The following EYS variants were observed in gnomAD, a reference collection of about 807,000 sequenced individuals.
EYS encodes the protein EGF-like photoreceptor maintenance factor.
Under a neutral mutation model 282.1 loss-of-function variants are expected in EYS, and 250 were observed. The ratio of observed to expected loss-of-function variants is 0.89; its 90% CI spans 0.80 to 0.98. EYS has a LOEUF of 0.98. Ranked by LOEUF, EYS falls within the 50% of genes least tolerant of loss-of-function variation. The probability of loss-of-function intolerance (pLI) is 0.00; values close to 1 mark genes in which losing one functional copy is unlikely to be tolerated. For synonymous variants in EYS, 1,355 were observed against 1,282.9 expected, an observed-to-expected ratio of 1.06 and a Z score of -1.20; for missense variants, 4,016 against 3,709.0, an observed-to-expected ratio of 1.08 and a Z score of -2.15.
At chr6:65,350,673 T>C (rs1770565434) in intron 9 of EYS, among the ~76,000 whole-genome samples, 1 of 151,714 alleles carries the variant, frequency 6.6e-6, no homozygotes, top group Admixed American at 6.6e-5. Flanking sequence ...TTATCCACTC[T>C]GTCAGTAGCT....
intron 30 of EYS, among the ~76,000 whole-genome samples, chr6:64,258,295 ACC>A (rs1767470314): frequency 6.6e-6 from 1 of 152,002 alleles, no homozygotes; most frequent in Non-Finnish European, 1.5e-5. Context: ...ATGCAAATAA[ACC>A]TCCTGCAGTA....
chr6:63,761,537 G>T (rs974053064), intron 41 of EYS, among the ~76,000 whole-genome samples: 2 of 152,000 alleles, frequency 1.3e-5, no homozygotes, highest in Admixed American at 1.3e-4. Context: ...TTGATAAAGT[G>T]ATCTAGAAAT....
chr6:64,903,597 T>C (rs565564926), intron 16 of EYS, among the ~76,000 whole-genome samples: 6 of 152,310 alleles, frequency 3.9e-5, no homozygotes, highest in South Asian at 4.1e-4. Context: ...TCACTTGTAA[T>C]GTTGGCATGC....
chr6:64,005,696 G>A (rs933669377), intron 33 of EYS, among the ~76,000 whole-genome samples: 3 of 152,158 alleles, frequency 2.0e-5, no homozygotes, highest in African/African-American at 7.2e-5. Flanking sequence ...TGGCTAGCCA[G>A]GTATCCCTGC....
chr6:64,167,889 T>C (rs1187048916), intron 31 of EYS, among the ~76,000 whole-genome samples: 1 of 152,160 alleles, frequency 6.6e-6, no homozygotes, highest in African/African-American at 2.4e-5. Context: ...TTAAAAGATA[T>C]TTAACATCAT....
intron 35 of EYS, among the ~76,000 whole-genome samples, chr6:63,901,210 A>C (rs1259274044): frequency 6.6e-6 from 1 of 152,220 alleles, no homozygotes; most frequent in Admixed American, 6.5e-5. Flanking sequence ...AATCAAATGG[A>C]AATTCTGTAG....
chr6:65,553,987 G>A (rs933488530), intron 2 of EYS, among the ~76,000 whole-genome samples: 2 of 152,170 alleles, frequency 1.3e-5, no homozygotes, highest in African/African-American at 4.8e-5. Context: ...ACATTAGGAA[G>A]TGGTACCTTT....
At chr6:64,308,412 G>T (rs1408125813) in intron 29 of EYS, among the ~76,000 whole-genome samples, 2 of 151,968 alleles carry the variant, frequency 1.3e-5, no homozygotes, top group Admixed American at 6.5e-5. Context: ...TGAGAAAAAG[G>T]GAAAGTAAAA....
chr6:64,852,518 C>T (rs1765917728), intron 19 of EYS, among the ~76,000 whole-genome samples: 2 of 152,048 alleles, frequency 1.3e-5, no homozygotes, highest in East Asian at 1.9e-4. Flanking sequence ...GTTGATACTA[C>T]TTAATAAACT....
chr6:65,331,720 GT>G, intron 11 of EYS: 2 of 981,080 alleles, frequency 2.0e-6, no homozygotes, highest in Non-Finnish European at 2.4e-6. Flanking sequence ...GAAAATCATT[GT>G]TTCATTAAAC....
chr6:65,678,505 A>C (rs1477630739), intron 1 of EYS, among the ~76,000 whole-genome samples: 1 of 152,066 alleles, frequency 6.6e-6, no homozygotes, highest in East Asian at 1.9e-4. Flanking sequence ...TAAAATTCCC[A>C]GAGGAAAACA....
intron 2 of EYS, among the ~76,000 whole-genome samples, chr6:65,518,889 C>T (rs972522757): frequency 6.6e-6 from 1 of 152,066 alleles, no homozygotes; most frequent in Non-Finnish European, 1.5e-5. Context: ...AAAGACCCGC[C>T]CCCATAATTC....
chr6:64,849,550 T>C (rs1195668438), intron 19 of EYS, among the ~76,000 whole-genome samples: 6 of 152,048 alleles, frequency 3.9e-5, no homozygotes, highest in Non-Finnish European at 8.8e-5. Context: ...CTCACAGTTT[T>C]ATATATTAGA....
At chr6:65,333,277 A>AT (rs1769862740) in intron 11 of EYS, among the ~76,000 whole-genome samples, 2 of 151,558 alleles carry the variant, frequency 1.3e-5, no homozygotes, top group African/African-American at 4.8e-5. Context: ...TTCTCTTGCA[A>AT]TTTCACTTTG....
At chr6:65,474,856 T>G (rs575651530) in intron 5 of EYS, among the ~76,000 whole-genome samples, 2 of 151,964 alleles carry the variant, frequency 1.3e-5, no homozygotes, top group Non-Finnish European at 2.9e-5. Context: ...GAATTAAAAG[T>G]GCTCAAAGAA....
intron 35 of EYS, among the ~76,000 whole-genome samples, chr6:63,878,044 A>G (rs563370898): frequency 4.6e-4 from 70 of 152,338 alleles, no homozygotes; most frequent in African/African-American, 1.5e-3. Flanking sequence ...TTGGAGGAGA[A>G]GAGGCACTCT....
At chr6:64,143,930 C>A (rs1197306650) in intron 31 of EYS, among the ~76,000 whole-genome samples, 1 of 152,000 alleles carries the variant, frequency 6.6e-6, no homozygotes, top group Non-Finnish European at 1.5e-5. Context: ...CCCTTTTGAG[C>A]AGGTTAACTT....
At chr6:63,848,787 A>C (rs545172943) in intron 36 of EYS, among the ~76,000 whole-genome samples, 2 of 152,202 alleles carry the variant, frequency 1.3e-5, no homozygotes, top group African/African-American at 4.8e-5. Flanking sequence ...TAGATGCAGG[A>C]GTTAGTTTTC....
intron 2 of EYS, among the ~76,000 whole-genome samples, chr6:65,625,281 C>T (rs1766653477): frequency 6.6e-6 from 1 of 152,150 alleles, no homozygotes; most frequent in Non-Finnish European, 1.5e-5. Context: ...CGACTTCTTC[C>T]TGGGGAGACT....
Sources: allele counts gnomAD v4.1 joint callset (sites outside exome capture counted in the v4.1 genomes callset), GRCh38; gene constraint gnomAD v4.1.1; transcripts MANE v1.5; gene names NCBI Gene and HGNC (gene_info 2026-07-23, HGNC 2026-07-21).